Variants in RIMS4 observed in about 807,000 individuals in gnomAD.
The protein encoded by RIMS4 is regulating synaptic membrane exocytosis 4.
A neutral mutation model predicts 29.0 loss-of-function variants in RIMS4; 9 were observed. The ratio of observed to expected loss-of-function variants is 0.31; its 90% CI spans 0.19 to 0.54. RIMS4 has a LOEUF of 0.54. RIMS4 is among the 20% of genes least tolerant of loss of function. The pLI is 0.94. For synonymous variants in RIMS4, 130 were observed against 152.9 expected (o/e 0.85, Z 1.10); for missense variants, 193 against 365.7 (o/e 0.53, Z 3.85).
At chr20:44,800,748 G>T (rs1394028305) in intron 1 of RIMS4, among the ~76,000 whole-genome samples, 1 of 152,104 alleles carries the variant, frequency 6.6e-6, no homozygotes, top group Non-Finnish European at 1.5e-5. Context: ...TGCAGGCAGG[G>T]ATACTGAGGC....
intron 1 of RIMS4, among the ~76,000 whole-genome samples, chr20:44,788,697 G>A (rs1858275521): frequency 6.6e-6 from 1 of 152,064 alleles, no homozygotes; most frequent in Admixed American, 6.5e-5. Context: ...AGGAATTCAA[G>A]GCTGCAGTGA....
intron 1 of RIMS4, among the ~76,000 whole-genome samples, chr20:44,800,372 A>G (rs899353773): frequency 6.6e-6 from 1 of 152,058 alleles, no homozygotes; most frequent in East Asian, 1.9e-4. Flanking sequence ...ATCAGCAGTA[A>G]TAACAGCATA....
At chr20:44,808,719 C>T (rs1358807710) in intron 1 of RIMS4, among the ~76,000 whole-genome samples, 2 of 152,180 alleles carry the variant, frequency 1.3e-5, no homozygotes, top group Non-Finnish European at 2.9e-5. Context: ...TGGGGATCTG[C>T]CTCACCTATC....
intron 1 of RIMS4, among the ~76,000 whole-genome samples, chr20:44,776,925 T>C (rs897505945): frequency 2.0e-5 from 3 of 152,214 alleles, no homozygotes; most frequent in South Asian, 2.1e-4. Context: ...ATGGTGGAGC[T>C]GGACTTCAAA....
At position 44,780,189 on chromosome 20, in the gene RIMS4, A is replaced by G. The variant is rs993376451; in HGVS notation, c.98-8776T>C. 2.0e-5 allele frequency among the ~76,000 whole-genome samples: 3 copies of G among 152,168 alleles called. No homozygotes were observed. In the South Asian group the frequency reaches 6.2e-4, roughly 31 times the overall value. ...CGATTCTAAGACAAGCATTTTTTCAACATCTCCAAAATTAAGATGTGAATG... is the reference window on the plus strand; with the variant it reads ...CGATTCTAAGACAAGCATTTTTTCAGCATCTCCAAAATTAAGATGTGAATG... On this transcript the variant is annotated intron_variant, in intron 1 of 5. Transcript: ENST00000372851.
chr20:44,753,522 G>A lies in RIMS4; in HGVS notation c.*2612C>T, dbSNP rs2066044289. On this transcript the variant is annotated 3_prime_UTR_variant, in exon 6 of 6. Coordinates refer to ENST00000372851, the MANE Select transcript of RIMS4 (RefSeq NM_182970.4). ...CAGAGATTGAAAACAGTCATCCCCT[G>A]GAGACCCCAGCCCCCCAGTGGCCCC... 1 of 152,404 alleles carries A rather than the reference G, an allele frequency of 6.6e-6. No homozygotes were observed. Among genetic ancestry groups the A allele is most frequent in the Non-Finnish European group, 1.5e-5 (1 of 68,236 alleles). The allele number at this position is 152,404 out of a possible 1,614,324, so 9.4% of individuals were successfully genotyped here.
chr20:44,803,822 C>T lies in RIMS4; in HGVS notation c.97+6353G>A, dbSNP rs569569778. 5.9e-5 allele frequency among the ~76,000 whole-genome samples: 9 copies of T among 152,334 alleles called. No individual in the cohort carries two copies. The South Asian group carries it at 1.9e-3, about 32-fold the overall frequency. On this transcript the variant is annotated intron_variant, in intron 1 of 5. Transcript: ENST00000372851. ...CAGACAACTGGATTCTTCAAGGAGG[C>T]CAGGCAGCCACGGCAGCTGAGGGCC...
intron 1 of RIMS4, among the ~76,000 whole-genome samples, chr20:44,781,573 A>C (rs930619935): frequency 7.9e-5 from 12 of 152,198 alleles, no homozygotes; most frequent in Non-Finnish European, 1.8e-4. Context: ...TGAAAACTGA[A>C]GGCAAAAAGT....
chr20:44,772,324 A>G (rs1169868146), intron 1 of RIMS4, among the ~76,000 whole-genome samples: 1 of 152,130 alleles, frequency 6.6e-6, no homozygotes, highest in Non-Finnish European at 1.5e-5. Context: ...TGCGTTAAAC[A>G]ATATTGGTGT....
intron 1 of RIMS4, among the ~76,000 whole-genome samples, chr20:44,783,006 T>C (rs186983826): frequency 6.6e-6 from 1 of 152,194 alleles, no homozygotes; most frequent in Non-Finnish European, 1.5e-5. Context: ...ACTGTCACAG[T>C]AAGATACAGG....
chr20:44,808,436 A>T (rs1371447581), intron 1 of RIMS4, among the ~76,000 whole-genome samples: 1 of 152,064 alleles, frequency 6.6e-6, no homozygotes, highest in Non-Finnish European at 1.5e-5. Context: ...TGCTCCTACA[A>T]ACCCATGCTC....
chr20:44,776,282 A>G (rs1293701392), intron 1 of RIMS4, among the ~76,000 whole-genome samples: 1 of 151,926 alleles, frequency 6.6e-6, no homozygotes, highest in Non-Finnish European at 1.5e-5. Context: ...ACAAAAACAA[A>G]AACAAAAACC....
At position 44,752,394 on chromosome 20, in the gene RIMS4, C is replaced by G. The variant is rs2066037549; in HGVS notation, c.*3740G>C. 1 of 152,260 alleles carries G rather than the reference C, an allele frequency of 6.6e-6. No individual in the cohort carries two copies. Among genetic ancestry groups the G allele is most frequent in the African/African-American group, 2.4e-5 (1 of 41,450 alleles). The allele number at this position is 152,260 out of a possible 1,614,324, so 9.4% of individuals were successfully genotyped here. ...CGGAAATGCACCCAGGAGCTCCTGG[C>G]TGAAGGGAATTGGCTTGTGAAGTAC... On this transcript the variant is annotated 3_prime_UTR_variant, in exon 6 of 6. Coordinates refer to ENST00000372851, the MANE Select transcript of RIMS4 (RefSeq NM_182970.4).
intron 2 of RIMS4, among the ~76,000 whole-genome samples, 178 bp from the exon 3 acceptor site, chr20:44,758,362 C>G (rs2066069683): frequency 6.6e-6 from 1 of 152,336 alleles, no homozygotes; most frequent in South Asian, 2.1e-4. Context: ...AAGTGTGGTT[C>G]AGAGACCAGC....
At chr20:44,801,488 T>A (rs1186920810) in intron 1 of RIMS4, among the ~76,000 whole-genome samples, 1 of 152,220 alleles carries the variant, frequency 6.6e-6, no homozygotes, top group Non-Finnish European at 1.5e-5. Flanking sequence ...GATTTACTTC[T>A]TCCCAGTAGA....
intron 1 of RIMS4, among the ~76,000 whole-genome samples, chr20:44,774,524 T>G (rs2066151276): frequency 6.6e-6 from 1 of 152,178 alleles, no homozygotes; most frequent in Non-Finnish European, 1.5e-5. Context: ...CTTCCTGCTC[T>G]CAAACACTGG....
chr20:44,779,093 C>T (rs2066172648), intron 1 of RIMS4, among the ~76,000 whole-genome samples: 2 of 152,224 alleles, frequency 1.3e-5, no homozygotes, highest in African/African-American at 4.8e-5. Context: ...ATTTCCATTT[C>T]CCTAGTGTTC....
chr20:44,807,023 C>G (rs1393515987), intron 1 of RIMS4, among the ~76,000 whole-genome samples: 1 of 152,088 alleles, frequency 6.6e-6, no homozygotes, highest in Non-Finnish European at 1.5e-5. Flanking sequence ...GAAACCGAGG[C>G]CACGTGTCTA....
intron 1 of RIMS4, among the ~76,000 whole-genome samples, chr20:44,801,791 C>T (rs536015905): frequency 4.7e-4 from 72 of 152,286 alleles, no homozygotes; most frequent in African/African-American, 1.6e-3. Flanking sequence ...GGATCATAGA[C>T]TCTGTGACAG....
Sources: gnomAD v4.1 joint callset for allele counts (sites outside exome capture counted in the v4.1 genomes callset) on GRCh38, gnomAD v4.1.1 for gene constraint, MANE v1.5 for transcripts, NCBI Gene and HGNC (gene_info 2026-07-23, HGNC 2026-07-21) for gene names.